The following SENP2 variants were observed in gnomAD, a reference collection of about 807,000 sequenced individuals.
SENP2 encodes sentrin-specific protease 2.
SENP2 carries 16 observed loss-of-function variants against 86.3 expected under a neutral mutation model. The ratio of observed to expected loss-of-function variants is 0.19; its 90% CI spans 0.13 to 0.28. The LOEUF is 0.28. Among genes scored for constraint, SENP2 ranks in the 10% least tolerant of loss-of-function variants. The probability of loss-of-function intolerance (pLI) is 1.00; values close to 1 mark genes in which losing one functional copy is unlikely to be tolerated. For missense variants in SENP2, 552 were observed against 703.0 expected (o/e 0.79, Z 2.43); for synonymous variants, 222 against 238.7 (o/e 0.93, Z 0.64).
At chr3:185,598,226 G>A (rs374034563) in intron 2 of SENP2, among the ~76,000 whole-genome samples, 186 bp from the exon 3 acceptor site, 4 of 150,736 alleles carry the variant, frequency 2.7e-5, no homozygotes, top group African/African-American at 9.8e-5. Flanking sequence ...AGCTGGTCTC[G>A]AGCTCCTGGG....
intron 9 of SENP2, 24 bp downstream of exon 9, chr3:185,612,682 C>T (rs1722735503): frequency 2.6e-6 from 4 of 1,530,228 alleles, no homozygotes; most frequent in Non-Finnish European, 3.6e-6. Context: ...GTTCATTCTA[C>T]ACTTTCTTTT....
At chr3:185,602,970 T>G (rs1364023405) in intron 5 of SENP2, among the ~76,000 whole-genome samples, 1 of 138,558 alleles carries the variant, frequency 7.2e-6, no homozygotes, top group Non-Finnish European at 1.5e-5. Flanking sequence ...TGGAGTTCAG[T>G]GGCATGATCT....
chr3:185,629,697 G>A, intron 16 of SENP2, 85 bp from the exon 17 acceptor site: 1 of 1,319,054 alleles, frequency 7.6e-7, no homozygotes, highest in East Asian at 2.3e-5. Context: ...TGGACATCCT[G>A]CTTTATTACA....
intron 12 of SENP2, among the ~76,000 whole-genome samples, chr3:185,619,065 G>C (rs1158121340): frequency 2.0e-5 from 3 of 152,094 alleles, no homozygotes; most frequent in Non-Finnish European, 4.4e-5. Context: ...TTTCTTCCTG[G>C]ATTCCTTCTT....
chr3:185,608,102 G>T (rs890543331), intron 6 of SENP2, among the ~76,000 whole-genome samples: 1 of 152,174 alleles, frequency 6.6e-6, no homozygotes, highest in Non-Finnish European at 1.5e-5. Flanking sequence ...GGGGTCCCAG[G>T]TACTGTGCTA....
intron 11 of SENP2, among the ~76,000 whole-genome samples, chr3:185,615,846 A>G (rs533549089): frequency 4.0e-4 from 61 of 151,750 alleles, no homozygotes; most frequent in Non-Finnish European, 7.2e-4. Context: ...AGATGTCCTA[A>G]TCTTATTTTG....
chr3:185,612,919 T>A, intron 9 of SENP2, among the ~76,000 whole-genome samples: 1 of 151,900 alleles, frequency 6.6e-6, no homozygotes, highest in Non-Finnish European at 1.5e-5. Context: ...TTGGTTGGAG[T>A]GGGGATGTCT....
chr3:185,590,728 G>T (rs1721953502), intron 2 of SENP2, among the ~76,000 whole-genome samples: 2 of 147,220 alleles, frequency 1.4e-5, no homozygotes, highest in Admixed American at 1.4e-4. Context: ...TAGCCAAGTG[G>T]TGCACGCCTA....
rs1373919243 is a variant in SENP2 at position 185,607,373 on chromosome 3, G to T, written c.618+875G>T. ...GACAGAGTTTTGCTCTTGTTGCCCA[G>T]GCTAGAGTGCAATGGCGCGATCTTG... On this transcript the variant is annotated intron_variant, in intron 6 of 16. Transcript: ENST00000296257. Among the ~76,000 whole-genome samples the T allele has an allele frequency of 4.0e-5, 5 of 124,492 alleles. No individual in the cohort carries two copies. The Admixed American group carries it at 5.1e-4, about 13-fold the overall frequency. 81.7% of individuals were successfully genotyped at this position (124,492 alleles called of 152,430 possible). A position where few individuals can be genotyped will look rare whatever the true frequency, so the allele number is the denominator to read the frequency against.
intron 1 of SENP2, among the ~76,000 whole-genome samples, chr3:185,587,570 A>ATTTTTTTTTTTTTTTTTTTTTTTTTTTTT (rs398052522): frequency 1.7e-5 from 2 of 118,832 alleles, no homozygotes; most frequent in East Asian, 2.6e-4. Flanking sequence ...TCAAGTGTTA[A>ATTTTTTTTTTTTTTTTTTTTTTTTTTTTT]TTTTTTTTTT....
rs992748373 is a variant in SENP2, at chr3:185,613,730, A to T, written c.933+322A>T. The T allele has an allele frequency of 2.7e-5, 5 of 184,176 alleles. No individual in the cohort carries two copies. The Admixed American group carries it at 3.0e-4, about 11-fold the overall frequency. 11.4% of individuals were successfully genotyped at this position (184,176 alleles called of 1,614,324 possible). ...GTAGTCCCAGCTACTTGGGAAGCTA[A>T]GGTGGGAGGATTGCTTGAGCCCAGG... On this transcript the variant is annotated intron_variant, in intron 10 of 16. Transcript: ENST00000296257.
chr3:185,621,230 CA>C (rs535814173), intron 13 of SENP2, among the ~76,000 whole-genome samples: 1,180 of 67,198 alleles, frequency 0.018, 15 homozygotes, highest in African/African-American at 0.051. Flanking sequence ...ATAAAGAAAG[CA>C]AAAAAAAAAA....
chr3:185,594,317 G>C (rs1007044259), intron 2 of SENP2, among the ~76,000 whole-genome samples: 1 of 152,144 alleles, frequency 6.6e-6, no homozygotes. Flanking sequence ...ATGGCAAATT[G>C]TAGAAGGGAA....
At chr3:185,623,730 G>C (rs988399082) in intron 14 of SENP2, among the ~76,000 whole-genome samples, 3 of 149,416 alleles carry the variant, frequency 2.0e-5, no homozygotes, top group Non-Finnish European at 4.4e-5. Flanking sequence ...GGGAGGCTAA[G>C]TCAGGAGAAT....
chr3:185,586,349 G>A lies in SENP2; in HGVS notation c.-65G>A. 2 of 1,596,072 alleles carry A rather than the reference G, an allele frequency of 1.3e-6. No individual in the cohort carries two copies. Among genetic ancestry groups the A allele is most frequent in the South Asian group, 1.1e-5 (1 of 90,012 alleles). Reference sequence around the variant, plus strand: ...TGGTTAAGACGGCGAAGGCGGCAGCGGCGGCGACAGCTCTGGGGTTTGCGT... The same window carrying A: ...TGGTTAAGACGGCGAAGGCGGCAGCAGCGGCGACAGCTCTGGGGTTTGCGT... On this transcript the variant is annotated 5_prime_UTR_variant, in exon 1 of 17. Transcript: ENST00000296257. The surrounding 1 kb of genome is among the most constrained non-coding windows in gnomAD (Gnocchi z 4.3).
chr3:185,627,081 C>G (rs895455276), intron 16 of SENP2, among the ~76,000 whole-genome samples: 6 of 82,768 alleles, frequency 7.2e-5, no homozygotes, highest in African/African-American at 3.2e-4. Flanking sequence ...GAAACCCTGT[C>G]TCAAAAAAAA....
At chr3:185,591,635 GC>G in intron 2 of SENP2, among the ~76,000 whole-genome samples, 1 of 152,280 alleles carries the variant, frequency 6.6e-6, no homozygotes, top group Non-Finnish European at 1.5e-5. Flanking sequence ...ACAGGCGTGA[GC>G]CCCCGCGCCT....
Position 185,619,282 on chromosome 3 carries a change from C to T in SENP2, c.1243-17C>T, listed in dbSNP as rs775977164. 5.0e-5 allele frequency: 79 copies of T among 1,579,908 alleles called. 1 individual carries two copies. The highest frequency in any genetic ancestry group is 1.3e-4 in the South Asian group (12 of 90,324). ...TGTTTGCCATGTTCCAGCTTTTGCT[C>T]CCTTGGTATTTTGTAGGTCATTAAT... is the stretch of plus-strand genomic sequence containing the variant. On this transcript the variant is annotated splice_polypyrimidine_tract_variant and intron_variant, in intron 12 of 16. Coordinates refer to ENST00000296257, the MANE Select transcript of SENP2 (RefSeq NM_021627.3).
chr3:185,588,991 T>C (rs1248340413), intron 1 of SENP2, among the ~76,000 whole-genome samples: 2 of 152,198 alleles, frequency 1.3e-5, no homozygotes, highest in Non-Finnish European at 2.9e-5. Context: ...TAAACCAATT[T>C]TCAGTCAAAA....
Sources: allele counts gnomAD v4.1 joint callset (sites outside exome capture counted in the v4.1 genomes callset), GRCh38; gene constraint gnomAD v4.1.1; non-coding constraint Gnocchi (gnomAD v3.1); transcripts MANE v1.5; gene names NCBI Gene and HGNC (gene_info 2026-07-23, HGNC 2026-07-21).